MPPED1: variants seen among roughly 807,000 people sequenced by gnomAD.
The protein encoded by MPPED1 is metallophosphoesterase domain containing 1.
MPPED1 carries 16 observed loss-of-function variants against 36.2 expected under a neutral mutation model. That is an observed-to-expected ratio of 0.44 (90% CI 0.30 to 0.67). The LOEUF is 0.67. MPPED1 is among the 30% of genes least tolerant of loss of function. MPPED1 has a pLI of 0.10. For missense variants in MPPED1, 307 were observed against 453.4 expected, an observed-to-expected ratio of 0.68 and a Z score of 2.93; for synonymous variants, 199 against 191.3, an observed-to-expected ratio of 1.04 and a Z score of -0.33.
intron 4 of MPPED1, among the ~76,000 whole-genome samples, chr22:43,480,968 T>C (rs1227315144): frequency 6.6e-6 from 1 of 151,924 alleles, no homozygotes; most frequent in Admixed American, 6.6e-5. Flanking sequence ...GGATTACAGG[T>C]AGCTGCCATC....
intron 3 of MPPED1, among the ~76,000 whole-genome samples, chr22:43,461,965 G>A (rs1930972309): frequency 6.6e-6 from 1 of 152,218 alleles, no homozygotes; most frequent in South Asian, 2.1e-4. Flanking sequence ...GGTGGCAACA[G>A]TGATGTCATT....
chr22:43,437,339 A>T (rs1389100053), intron 3 of MPPED1, among the ~76,000 whole-genome samples: 1 of 152,150 alleles, frequency 6.6e-6, no homozygotes, highest in Non-Finnish European at 1.5e-5. Context: ...TACCCTTCGC[A>T]TGTATTAGTA....
At chr22:43,440,694 G>T (rs112538703) in intron 3 of MPPED1, among the ~76,000 whole-genome samples, 3 of 151,964 alleles carry the variant, frequency 2.0e-5, no homozygotes, top group Non-Finnish European at 2.9e-5. Context: ...TGCAGCCTCC[G>T]CAGCCCTCAC....
rs1337268643 is a variant in MPPED1 at position 43,506,242 on chromosome 22, C to A, written c.*626C>A. 1 of 152,720 alleles carries A rather than the reference C, an allele frequency of 6.5e-6. No homozygotes were observed. The highest frequency in any genetic ancestry group is 1.5e-5 in the Non-Finnish European group (1 of 68,152). The allele number at this position is 152,720 out of a possible 1,614,324, so 9.5% of individuals were successfully genotyped here. A position where few individuals can be genotyped will look rare whatever the true frequency, so the allele number is the denominator to read the frequency against. On this transcript the variant is annotated 3_prime_UTR_variant, in exon 7 of 7. Transcript: ENST00000443721. Reference sequence around the variant, plus strand: ...CCATAGGCATTTTTGTTTACTTGAACAATGACCTGAGTGTCCTAGGCATTC... The same window carrying A: ...CCATAGGCATTTTTGTTTACTTGAAAAATGACCTGAGTGTCCTAGGCATTC...
chr22:43,442,676 G>A (rs1382773275), intron 3 of MPPED1, among the ~76,000 whole-genome samples: 2 of 152,144 alleles, frequency 1.3e-5, no homozygotes, highest in Non-Finnish European at 2.9e-5. Context: ...CCAGTGCAGG[G>A]CACCAAGCAC....
chr22:43,495,543 T>A (rs1381032999), intron 4 of MPPED1, among the ~76,000 whole-genome samples: 14 of 105,306 alleles, frequency 1.3e-4, no homozygotes, highest in African/African-American at 2.2e-4. Flanking sequence ...GTGGAGATGG[T>A]GGTGGTGGAG....
At chr22:43,431,514 T>C (rs141340572) in intron 2 of MPPED1, among the ~76,000 whole-genome samples, 1 of 152,290 alleles carries the variant, frequency 6.6e-6, no homozygotes, top group African/African-American at 2.4e-5. Flanking sequence ...CATAGGTTGA[T>C]TGAATGAAAT....
intron 3 of MPPED1, among the ~76,000 whole-genome samples, chr22:43,464,145 G>A (rs182491652): frequency 4.3e-4 from 65 of 152,044 alleles, no homozygotes; most frequent in Admixed American, 4.6e-4. Flanking sequence ...CTGACCTCAG[G>A]TGATCAGCCT....
rs570262228 is a variant in MPPED1 at position 43,463,123 on chromosome 22, C to T, written c.407-11613C>T. Among the ~76,000 whole-genome samples the T allele has an allele frequency of 2.1e-3, 313 of 151,870 alleles. 1 individual carries two copies. In the Middle Eastern group the frequency reaches 0.024, roughly 12 times the overall value. On this transcript the variant is annotated intron_variant, in intron 3 of 6. Transcript: ENST00000443721. ...AAATTCCACTGCTGTTGGGATTTCT[C>T]ATCCTTTATATATAACCTGTTGGGT...
At chr22:43,449,350 A>T (rs1478056085) in intron 3 of MPPED1, among the ~76,000 whole-genome samples, 2 of 152,082 alleles carry the variant, frequency 1.3e-5, no homozygotes, top group Non-Finnish European at 2.9e-5. Context: ...TCTGGAGGTC[A>T]CGCAGGTCTC....
chr22:43,447,137 A>G (rs1253740258), intron 3 of MPPED1, among the ~76,000 whole-genome samples: 1 of 152,146 alleles, frequency 6.6e-6, no homozygotes, highest in Non-Finnish European at 1.5e-5. Context: ...GGGCTGTGCC[A>G]GGTTCCCTCG....
rs767878664 is a variant in MPPED1 at position 43,435,109 on chromosome 22, G to A, written c.300G>A (p.Ser100=). 3.1e-6 allele frequency: 5 copies of A among 1,613,850 alleles called. No individual in the cohort carries two copies. The highest frequency in any genetic ancestry group is 4.5e-5 in the East Asian group (2 of 44,878). Residue 100 remains serine (S), a synonymous_variant, in exon 3 of 7, where the codon TCG becomes TCA. Transcript: ENST00000443721. ...TCGTCTGCGTCTCTGATACCCACTC[G>A]AGGACGGACCCCATCCAGATGCCGT... is the stretch of plus-strand genomic sequence containing the variant. ...TRFVCVSDTH[S]RTDPIQMPYG...
At chr22:43,440,715 A>G (rs1242304049) in intron 3 of MPPED1, among the ~76,000 whole-genome samples, 1 of 151,914 alleles carries the variant, frequency 6.6e-6, no homozygotes, top group East Asian at 1.9e-4. Flanking sequence ...TGCACCCTCC[A>G]CAGCCCTCAC....
chr22:43,484,568 G>A (rs368414867), intron 4 of MPPED1, among the ~76,000 whole-genome samples: 1 of 152,220 alleles, frequency 6.6e-6, no homozygotes, highest in South Asian at 2.1e-4. Context: ...CATCTGTAGA[G>A]AGGATTCTCC....
intron 4 of MPPED1, among the ~76,000 whole-genome samples, chr22:43,490,236 C>G (rs752704106): frequency 6.6e-6 from 1 of 152,194 alleles, no homozygotes; most frequent in African/African-American, 2.4e-5. Flanking sequence ...TGGAGATGTT[C>G]TCATGGCTCC....
chr22:43,496,286 G>A (rs1316119852), intron 4 of MPPED1, among the ~76,000 whole-genome samples: 1 of 51,666 alleles, frequency 1.9e-5, no homozygotes, highest in Non-Finnish European at 3.4e-5. Context: ...GATGGTGGTG[G>A]TGGAGGTGGT....
At chr22:43,500,272 A>T (rs1416405992) in intron 5 of MPPED1, among the ~76,000 whole-genome samples, 8 of 8,252 alleles carry the variant, frequency 9.7e-4, no homozygotes, top group African/African-American at 3.1e-3. Flanking sequence ...ATGGTGATGG[A>T]GGTGGCGGTG....
At chr22:43,443,124 G>T (rs1403607018) in intron 3 of MPPED1, among the ~76,000 whole-genome samples, 3 of 152,194 alleles carry the variant, frequency 2.0e-5, no homozygotes, top group Non-Finnish European at 2.9e-5. Context: ...GGTGACTGGA[G>T]TGGAAAGCTC....
Position 43,484,199 on chromosome 22 carries a change from C to T in MPPED1, c.632+9238C>T, listed in dbSNP as rs74409436. ...GGGCAGGTGAGGCAAAGACTTTCCC[C>T]GCTGCTTCATACTCGAGACCCGCAT... is the stretch of plus-strand genomic sequence containing the variant. On this transcript the variant is annotated intron_variant, in intron 4 of 6. Transcript: ENST00000443721. Among the ~76,000 whole-genome samples, 163 of 152,326 alleles carry T rather than the reference C, an allele frequency of 1.1e-3. 1 individual carries two copies. The highest frequency in any genetic ancestry group is 3.7e-3 in the African/African-American group (152 of 41,572).
Sources: gnomAD v4.1 joint callset for allele counts (sites outside exome capture counted in the v4.1 genomes callset) on GRCh38, gnomAD v4.1.1 for gene constraint, MANE v1.5 for transcripts, NCBI Gene and HGNC (gene_info 2026-07-23, HGNC 2026-07-21) for gene names.